IQGAP2: variants seen among roughly 807,000 people sequenced by gnomAD.
The protein encoded by IQGAP2 is ras GTPase-activating-like protein IQGAP2.
In IQGAP2, 173 loss-of-function variants were observed where a neutral mutation model predicts 201.3. The observed-to-expected ratio is 0.86, with a 90% CI of 0.76 to 0.98. The LOEUF (loss-of-function observed/expected upper bound fraction) is 0.98, where lower values mean the gene tolerates loss of function less well. IQGAP2 is among the 50% of genes least tolerant of loss of function. IQGAP2 has a pLI of 0.00. For missense variants in IQGAP2, 1,687 were observed against 1,864.8 expected (o/e 0.90, Z 1.76); for synonymous variants, 675 against 673.9 (o/e 1.00, Z -0.03).
At position 76,697,394 on chromosome 5, in the gene IQGAP2, A is replaced by C. The variant is rs1746852770; in HGVS notation, c.4207-593A>C. Among the ~76,000 whole-genome samples the C allele has an allele frequency of 2.0e-5, 3 of 152,366 alleles. No homozygotes were observed. The South Asian group carries it at 6.2e-4, about 32-fold the overall frequency. On this transcript the variant is annotated intron_variant, in intron 32 of 35. Transcript: ENST00000274364. Reference sequence around the variant, plus strand: ...CACAATGTCTCATGCCTATAATCCCAGCACTTCGGGAGGCCGAGGCGGGCA... The same window carrying C: ...CACAATGTCTCATGCCTATAATCCCCGCACTTCGGGAGGCCGAGGCGGGCA...
chr5:76,619,729 A>C (rs866348587), intron 13 of IQGAP2, among the ~76,000 whole-genome samples: 1 of 152,176 alleles, frequency 6.6e-6, no homozygotes, highest in East Asian at 1.9e-4. Flanking sequence ...CATGTTAGCC[A>C]GGATGGTCTC....
chr5:76,582,416 T>G (rs550688917), intron 5 of IQGAP2, among the ~76,000 whole-genome samples: 1 of 152,206 alleles, frequency 6.6e-6, no homozygotes, highest in Non-Finnish European at 1.5e-5. Context: ...AAGCTTGGGT[T>G]ACGTGACTTG....
At chr5:76,631,105 C>A (rs1187914635) in intron 14 of IQGAP2, among the ~76,000 whole-genome samples, 2 of 152,098 alleles carry the variant, frequency 1.3e-5, no homozygotes, top group Non-Finnish European at 2.9e-5. Flanking sequence ...TTTAACTTGG[C>A]CTCTTTCATT....
At chr5:76,600,354 T>C (rs1474630092) in intron 10 of IQGAP2, among the ~76,000 whole-genome samples, 5 of 152,210 alleles carry the variant, frequency 3.3e-5, no homozygotes, top group African/African-American at 1.2e-4. Flanking sequence ...AAGACCTTGC[T>C]TTGTGCTTCA....
chr5:76,431,788 A>G (rs986577353), intron 1 of IQGAP2, among the ~76,000 whole-genome samples: 4 of 146,954 alleles, frequency 2.7e-5, no homozygotes, highest in African/African-American at 5.1e-5. Context: ...GCACCACTGC[A>G]CTCCAGCCTG....
rs187385555 is a variant in IQGAP2 at position 76,461,376 on chromosome 5, A to T, written c.47-194A>T. Among the ~76,000 whole-genome samples the T allele has an allele frequency of 9.1e-3, 1,382 of 151,836 alleles. 20 individuals carry two copies. The highest frequency in any genetic ancestry group is 0.023 in the African/African-American group (972 of 41,466). Reference sequence around the variant, plus strand: ...GTGCCAGTTCCTGTCTCAAAAAAAAAAAAAATAAAAATAAAGGAAAAGAAA... The same window carrying T: ...GTGCCAGTTCCTGTCTCAAAAAAAATAAAAATAAAAATAAAGGAAAAGAAA... On this transcript the variant is annotated intron_variant, in intron 1 of 35. Transcript: ENST00000274364.
intron 2 of IQGAP2, among the ~76,000 whole-genome samples, chr5:76,551,492 G>A (rs1580438020): frequency 6.6e-6 from 1 of 151,152 alleles, no homozygotes; most frequent in East Asian, 2.0e-4. Flanking sequence ...ACTTTGGGAG[G>A]CCAAGGCAGG....
intron 2 of IQGAP2, among the ~76,000 whole-genome samples, chr5:76,526,153 A>C (rs1311001058): frequency 6.6e-6 from 1 of 152,224 alleles, no homozygotes; most frequent in Non-Finnish European, 1.5e-5. Flanking sequence ...TAACCTCAAA[A>C]AGTCTATTTC....
intron 20 of IQGAP2, among the ~76,000 whole-genome samples, chr5:76,658,185 G>A (rs140286609): frequency 8.1e-4 from 123 of 152,296 alleles, no homozygotes; most frequent in African/African-American, 2.8e-3. Context: ...CATGAGTCCA[G>A]GGAACAGTGT....
rs1373430056 is a variant in IQGAP2 at position 76,698,041 on chromosome 5, C to G, written c.4261C>G (p.Leu1421Val). The G allele has an allele frequency of 6.2e-7, 1 of 1,613,080 alleles. No individual in the cohort carries two copies. Among genetic ancestry groups the G allele is most frequent in the Non-Finnish European group, 8.5e-7 (1 of 1,179,400 alleles). Reference sequence around the variant, plus strand: ...GCTTCGAAAAGCTGAATTGGCAAAACTTCAGCAGACCCTGAATGCACTTAA... The same window carrying G: ...GCTTCGAAAAGCTGAATTGGCAAAAGTTCAGCAGACCCTGAATGCACTTAA... ...RKLRKAELAK[L>V]QQTLNALNKK... The change falls in exon 33 of 36, where the codon CTT (leucine) becomes GTT (valine). Residue 1421 changes from leucine to valine, a missense_variant. Leu to Val is a conservative substitution (Grantham distance 32). Transcript: ENST00000274364.
intron 2 of IQGAP2, among the ~76,000 whole-genome samples, chr5:76,527,587 T>A (rs895484255): frequency 6.6e-6 from 1 of 152,240 alleles, no homozygotes; most frequent in Non-Finnish European, 1.5e-5. Context: ...CAACATATAA[T>A]AATTTATTAA....
intron 2 of IQGAP2, among the ~76,000 whole-genome samples, chr5:76,482,766 A>G (rs1265189461): frequency 1.3e-5 from 2 of 152,206 alleles, no homozygotes; most frequent in Admixed American, 1.3e-4. Flanking sequence ...ATCAGGCTCA[A>G]TGTAGCCTTG....
At chr5:76,492,815 A>G (rs1261867471) in intron 2 of IQGAP2, among the ~76,000 whole-genome samples, 1 of 152,188 alleles carries the variant, frequency 6.6e-6, no homozygotes, top group Non-Finnish European at 1.5e-5. Context: ...GTGCCAGGCC[A>G]TGGAGAGTCT....
chr5:76,698,231 G>A (rs959096605), intron 33 of IQGAP2, 84 bp downstream of exon 33: 2 of 1,053,958 alleles, frequency 1.9e-6, no homozygotes, highest in Admixed American at 2.8e-5. Flanking sequence ...AGTTGGGTTG[G>A]GTATGGAAGA....
chr5:76,650,112 G>C (rs1044097311), intron 17 of IQGAP2, among the ~76,000 whole-genome samples: 1 of 152,234 alleles, frequency 6.6e-6, no homozygotes, highest in African/African-American at 2.4e-5. Flanking sequence ...AGGCTTCCCA[G>C]CCTGTGATGG....
chr5:76,425,238 G>A (rs896674079), intron 1 of IQGAP2, among the ~76,000 whole-genome samples: 5 of 152,178 alleles, frequency 3.3e-5, no homozygotes, highest in Non-Finnish European at 7.4e-5. Flanking sequence ...ACTGAGGATC[G>A]GTTCAACACT....
Position 76,683,822 on chromosome 5 carries a change from A to C in IQGAP2, c.3810A>C (p.Leu1270=), listed in dbSNP as rs760047078. 1 of 1,613,784 alleles carries C rather than the reference A, an allele frequency of 6.2e-7. No homozygotes were observed. Among genetic ancestry groups the C allele is most frequent in the East Asian group, 2.2e-5 (1 of 44,860 alleles). The change falls in exon 30 of 36, where the codon CTA becomes CTC. Residue 1270 remains leucine (L), a synonymous_variant. Coordinates refer to ENST00000274364, the MANE Select transcript of IQGAP2 (RefSeq NM_006633.5). ...DPNDPNKANT[L]SQLSKTEISL... is the part of the protein sequence containing the mutation. ...ATGACCCTAACAAGGCAAATACACT[A>C]AGTCAGCTTTCAAAGACCGAGATTT...
At position 76,600,932 on chromosome 5, in the gene IQGAP2, G is replaced by A. The variant is rs138552758; in HGVS notation, c.1192G>A (p.Ala398Thr). Residue 398 changes from alanine to threonine, a missense_variant, in exon 11 of 36, where the codon GCA (alanine) becomes ACA (threonine). Coordinates refer to ENST00000274364, the MANE Select transcript of IQGAP2 (RefSeq NM_006633.5). ...VSVQNQLRSP[A>T]IGLNNLDKAY... ...TGTGCAGAATCAACTCAGAAGCCCC[G>A]CAATAGGCTTAAACAATCTGGACAA... is the stretch of plus-strand genomic sequence containing the variant. 120 of 1,613,976 alleles carry A rather than the reference G, an allele frequency of 7.4e-5. No homozygotes were observed. Among genetic ancestry groups the A allele is most frequent in the Non-Finnish European group, 9.2e-5 (109 of 1,179,984 alleles).
chr5:76,692,616 C>T (rs550741569), intron 30 of IQGAP2, among the ~76,000 whole-genome samples: 7 of 152,188 alleles, frequency 4.6e-5, no homozygotes, highest in Non-Finnish European at 8.8e-5. Flanking sequence ...TAAAGAACAC[C>T]TATGAGAGAA....
Sources: gnomAD v4.1 joint callset for allele counts (sites outside exome capture counted in the v4.1 genomes callset) on GRCh38, gnomAD v4.1.1 for gene constraint, MANE v1.5 for transcripts, NCBI Gene and HGNC (gene_info 2026-07-23, HGNC 2026-07-21) for gene names.